The following FAM222B variants were observed in gnomAD, a reference collection of about 807,000 sequenced individuals.
FAM222B encodes family with sequence similarity 222 member B, also known as protein FAM222B.
In FAM222B, 12 loss-of-function variants were observed where a neutral mutation model predicts 38.0. The ratio of observed to expected loss-of-function variants is 0.32; its 90% CI spans 0.20 to 0.51. FAM222B has a LOEUF of 0.51. Among genes scored for constraint, FAM222B ranks in the 20% least tolerant of loss-of-function variants. The pLI is 0.97. For synonymous variants in FAM222B, 329 were observed against 317.2 expected (o/e 1.04, Z -0.40); for missense variants, 716 against 754.2 (o/e 0.95, Z 0.59).
chr17:28,825,591 C>T (rs1201677504), intron 1 of FAM222B, among the ~76,000 whole-genome samples: 1 of 152,084 alleles, frequency 6.6e-6, no homozygotes, highest in African/African-American at 2.4e-5. Context: ...GTTCCTTCAA[C>T]ATACCAAGCT....
chr17:28,795,457 C>T (rs1335668011), intron 1 of FAM222B, among the ~76,000 whole-genome samples: 1 of 152,154 alleles, frequency 6.6e-6, no homozygotes, highest in African/African-American at 2.4e-5. Context: ...GTTTTTAAGA[C>T]AGCATCTCAC....
chr17:28,756,127 G>A lies in FAM222B; in HGVS notation c.*2143C>T, dbSNP rs1246614852. The A allele has an allele frequency of 6.5e-6, 1 of 152,714 alleles. No homozygotes were observed. The highest frequency in any genetic ancestry group is 1.5e-5 in the Non-Finnish European group (1 of 68,110). 9.5% of individuals were successfully genotyped at this position (152,714 alleles called of 1,614,324 possible). A position where few individuals can be genotyped will look rare whatever the true frequency, so the allele number is the denominator to read the frequency against. Reference sequence around the variant, plus strand: ...TCCAGGTATTCCCTAGGGTAGTGTAGGATGGAGACAGGGAGTGTGGAGAGG... The same window carrying A: ...TCCAGGTATTCCCTAGGGTAGTGTAAGATGGAGACAGGGAGTGTGGAGAGG... On this transcript the variant is annotated 3_prime_UTR_variant, in exon 3 of 3. Transcript: ENST00000581407.
intron 1 of FAM222B, among the ~76,000 whole-genome samples, chr17:28,773,625 C>G (rs1438765692): frequency 6.6e-6 from 1 of 151,188 alleles, no homozygotes; most frequent in East Asian, 1.9e-4. Context: ...ATGGCAAAAC[C>G]CCATCTCTAC....
chr17:28,825,349 T>A (rs2038398992), intron 1 of FAM222B, among the ~76,000 whole-genome samples: 1 of 141,042 alleles, frequency 7.1e-6, no homozygotes, highest in African/African-American at 2.7e-5. Flanking sequence ...GGTGGGAGGA[T>A]CCCTTAGCCC....
chr17:28,797,363 T>C (rs1455256320), intron 1 of FAM222B, among the ~76,000 whole-genome samples: 2 of 152,028 alleles, frequency 1.3e-5, no homozygotes, highest in African/African-American at 2.4e-5. Context: ...GGCTATCATA[T>C]AAAGGAGGAA....
upstream of FAM222B, among the ~76,000 whole-genome samples, chr17:28,845,614 G>T (rs939077716): frequency 6.6e-6 from 1 of 151,450 alleles, no homozygotes; most frequent in Non-Finnish European, 1.5e-5. Flanking sequence ...TAAATAAATA[G>T]GCCAGGCACA....
chr17:28,765,881 A>T (rs1455246850), intron 2 of FAM222B, among the ~76,000 whole-genome samples: 4 of 152,184 alleles, frequency 2.6e-5, no homozygotes, highest in Non-Finnish European at 5.9e-5. Flanking sequence ...ACTGACTCAG[A>T]AGGCAGGTAG....
At chr17:28,814,355 T>A (rs927331128) in intron 1 of FAM222B, among the ~76,000 whole-genome samples, 4 of 152,194 alleles carry the variant, frequency 2.6e-5, no homozygotes, top group African/African-American at 9.7e-5. Context: ...AACAAAACTT[T>A]AAAATTAAGC....
chr17:28,817,489 C>T (rs574225900), intron 1 of FAM222B, among the ~76,000 whole-genome samples: 45 of 150,656 alleles, frequency 3.0e-4, no homozygotes, highest in Admixed American at 8.6e-4. Context: ...TTTGGGAGGC[C>T]GAGGCTGGAC....
chr17:28,762,885 C>T (rs946196163), intron 2 of FAM222B, among the ~76,000 whole-genome samples: 2 of 151,484 alleles, frequency 1.3e-5, no homozygotes, highest in Admixed American at 1.3e-4. Flanking sequence ...TTGCAGTGAG[C>T]CAAGATCGCA....
At chr17:28,846,622 C>T (rs1173725650), upstream of FAM222B, among the ~76,000 whole-genome samples, 1 of 151,840 alleles carries the variant, frequency 6.6e-6, no homozygotes, top group African/African-American at 2.4e-5. Flanking sequence ...TGAGATTCAA[C>T]CATTGCACTC....
At chr17:28,820,844 G>A (rs1215272000) in intron 1 of FAM222B, among the ~76,000 whole-genome samples, 1 of 151,726 alleles carries the variant, frequency 6.6e-6, no homozygotes, top group Non-Finnish European at 1.5e-5. Flanking sequence ...CACCATGTTG[G>A]CCAGGCTGGT....
At chr17:28,772,893 TCAAAA>T (rs1341510049) in intron 1 of FAM222B, among the ~76,000 whole-genome samples, 3 of 152,154 alleles carry the variant, frequency 2.0e-5, no homozygotes, top group Non-Finnish European at 2.9e-5. Context: ...AGACTCTGTC[TCAAAA>T]CAAAACAAAA....
At position 28,756,128 on chromosome 17, in the gene FAM222B, G is replaced by C. The variant is rs1188299417; in HGVS notation, c.*2142C>G. 6.5e-6 allele frequency: 1 copy of C among 152,814 alleles called. No homozygotes were observed. Among genetic ancestry groups the C allele is most frequent in the East Asian group, 1.9e-4 (1 of 5,184 alleles). 9.5% of individuals were successfully genotyped at this position (152,814 alleles called of 1,614,324 possible). ...CCAGGTATTCCCTAGGGTAGTGTAG[G>C]ATGGAGACAGGGAGTGTGGAGAGGA... On this transcript the variant is annotated 3_prime_UTR_variant, in exon 3 of 3. Transcript: ENST00000581407.
At chr17:28,774,375 T>G (rs1194140536) in intron 1 of FAM222B, among the ~76,000 whole-genome samples, 1 of 152,130 alleles carries the variant, frequency 6.6e-6, no homozygotes, top group Non-Finnish European at 1.5e-5. Flanking sequence ...ATCGATCACT[T>G]TGGCAGAGCC....
rs565215040 is a variant in FAM222B, at chr17:28,783,377, G to A, written c.-40-16670C>T. On this transcript the variant is annotated intron_variant, in intron 1 of 2. Transcript: ENST00000581407. Reference sequence around the variant, plus strand: ...CAAGAAACCTGAGATTAACAAAAAGGCACTACACAGAAGTGGGTAAGAGAA... The same window carrying A: ...CAAGAAACCTGAGATTAACAAAAAGACACTACACAGAAGTGGGTAAGAGAA... 1.5e-4 allele frequency among the ~76,000 whole-genome samples: 23 copies of A among 152,152 alleles called. 2 individuals are homozygous for A. In the South Asian group the frequency reaches 4.2e-3, roughly 27 times the overall value.
intron 1 of FAM222B, among the ~76,000 whole-genome samples, chr17:28,773,067 G>A (rs1025654014): frequency 1.3e-5 from 2 of 152,112 alleles, no homozygotes; most frequent in Admixed American, 6.6e-5. Context: ...GAGGTCCTCC[G>A]TGATTACAGT....
chr17:28,775,155 C>A (rs1018191637), intron 1 of FAM222B, among the ~76,000 whole-genome samples: 1 of 151,276 alleles, frequency 6.6e-6, no homozygotes, highest in African/African-American at 2.4e-5. Context: ...TGTGCACCAC[C>A]ATGCCCGACT....
intron 1 of FAM222B, among the ~76,000 whole-genome samples, chr17:28,810,436 ACT>A (rs1209166552): frequency 1.3e-5 from 2 of 151,824 alleles, no homozygotes; most frequent in Non-Finnish European, 2.9e-5. Flanking sequence ...ATACTAGCTA[ACT>A]CTGTTTTATA....
Sources: gnomAD v4.1 joint callset for allele counts (sites outside exome capture counted in the v4.1 genomes callset) on GRCh38, gnomAD v4.1.1 for gene constraint, MANE v1.5 for transcripts, NCBI Gene and HGNC (gene_info 2026-07-23, HGNC 2026-07-21) for gene names.